GRM7: variants seen among roughly 807,000 people sequenced by gnomAD.
GRM7 encodes the protein metabotropic glutamate receptor 7.
GRM7 carries 35 observed loss-of-function variants against 84.5 expected under a neutral mutation model. The observed-to-expected ratio is 0.41, with a 90% confidence interval of 0.32 to 0.55. GRM7 has a LOEUF of 0.55. GRM7 is among the 20% of genes least tolerant of loss of function. The pLI is 0.19. For missense variants in GRM7, 1,003 were observed against 1,194.6 expected (o/e 0.84, Z 2.36); for synonymous variants, 487 against 455.1 (o/e 1.07, Z -0.89).
chr3:7,209,430 AAGAGAAGGAGACCCACAG>A (rs1239340404), intron 2 of GRM7, among the ~76,000 whole-genome samples: 3 of 152,210 alleles, frequency 2.0e-5, no homozygotes, highest in Admixed American at 2.0e-4. Flanking sequence ...ATAAGGACAT[AAGAGAAGGAGACCCACAG>A]AGAGAGAAAA....
At chr3:7,337,210 G>A (rs1054553270) in intron 4 of GRM7, among the ~76,000 whole-genome samples, 10 of 152,056 alleles carry the variant, frequency 6.6e-5, no homozygotes, top group Admixed American at 4.6e-4. Context: ...TAATTGGCAA[G>A]CCACACGTCG....
chr3:7,094,409 G>A (rs1183590795), intron 1 of GRM7, among the ~76,000 whole-genome samples: 2 of 152,240 alleles, frequency 1.3e-5, no homozygotes, highest in South Asian at 2.1e-4. Context: ...GAATGAGGCC[G>A]GAACAAGGAA....
intron 7 of GRM7, among the ~76,000 whole-genome samples, chr3:7,521,080 T>C (rs1700575110): frequency 6.6e-6 from 1 of 152,206 alleles, no homozygotes; most frequent in Non-Finnish European, 1.5e-5. Flanking sequence ...TCAGCTGCAG[T>C]GCATAGAAGT....
intron 1 of GRM7, among the ~76,000 whole-genome samples, chr3:6,924,316 A>T (rs1575020271): frequency 6.6e-6 from 1 of 152,318 alleles, no homozygotes; most frequent in African/African-American, 2.4e-5. Context: ...AGATCATCAA[A>T]ATCAAAGATA....
chr3:7,124,437 C>T (rs536364445), intron 1 of GRM7, among the ~76,000 whole-genome samples: 1 of 152,202 alleles, frequency 6.6e-6, no homozygotes, highest in South Asian at 2.1e-4. Flanking sequence ...ACCCGGGAGG[C>T]GGAGGTTGCA....
In GRM7 at chr3:6,863,140, C is replaced by G. The variant is rs541738818; in HGVS notation, c.519+1233C>G. The G allele has an allele frequency of 2.2e-5, 7 of 321,740 alleles. No individual in the cohort carries two copies. The highest frequency in any genetic ancestry group is 1.6e-4 in the African/African-American group (7 of 44,396). The allele number at this position is 321,740 out of a possible 1,614,324, so 19.9% of individuals were successfully genotyped here. On this transcript the variant is annotated intron_variant, in intron 1 of 9. Transcript: ENST00000357716. The surrounding 1 kb of genome is among the most constrained non-coding windows in gnomAD (Gnocchi z 4.8). ...TCTCCTTGCTGTTTTTTTTTTCTCT[C>G]TGTTTTTTCTCTCCTTTTCAATCTC...
intron 4 of GRM7, among the ~76,000 whole-genome samples, chr3:7,378,065 C>A (rs1421775895): frequency 6.6e-6 from 1 of 152,192 alleles, no homozygotes; most frequent in Non-Finnish European, 1.5e-5. Flanking sequence ...TTGGAGCTGA[C>A]TCTAATCTCA....
intron 4 of GRM7, among the ~76,000 whole-genome samples, chr3:7,391,690 C>T (rs1695002017): frequency 2.0e-5 from 3 of 151,558 alleles, no homozygotes; most frequent in South Asian, 4.2e-4. Context: ...CACATGTACC[C>T]TAGAACTTAA....
At chr3:7,440,477 T>A (rs548319337) in intron 5 of GRM7, among the ~76,000 whole-genome samples, 2 of 152,320 alleles carry the variant, frequency 1.3e-5, no homozygotes, top group African/African-American at 2.4e-5. Context: ...CAACTAGAGA[T>A]AAAATGGAGT....
At chr3:7,637,069 G>T (rs1012543378) in intron 8 of GRM7, among the ~76,000 whole-genome samples, 5 of 152,176 alleles carry the variant, frequency 3.3e-5, no homozygotes, top group African/African-American at 1.2e-4. Flanking sequence ...TTAAAAGAGT[G>T]GTTGGTAGAA....
At chr3:7,180,865 T>C (rs1319167947) in intron 2 of GRM7, among the ~76,000 whole-genome samples, 1 of 152,200 alleles carries the variant, frequency 6.6e-6, no homozygotes, top group African/African-American at 2.4e-5. Context: ...TCTTCTATCA[T>C]AGTTTGCAAC....
At position 7,686,243 on chromosome 3, in the gene GRM7, T is replaced by A. The variant is rs1048771065; in HGVS notation, c.2698+5948T>A. The stretch of plus-strand genomic sequence containing the variant: ...ATTGAACCCACCAAAAGAGTGGGCA[T>A]GATGTGTATGGTCTCTATCGCAGCC... On this transcript the variant is annotated intron_variant, in intron 9 of 9. Coordinates refer to ENST00000357716, the MANE Select transcript of GRM7 (RefSeq NM_000844.4). The A allele has an allele frequency of 8.9e-6, 5 of 561,744 alleles. No homozygotes were observed. The African/African-American group carries it at 9.5e-5, about 11-fold the overall frequency. The allele number at this position is 561,744 out of a possible 1,614,324, so 34.8% of individuals were successfully genotyped here. A position where few individuals can be genotyped will look rare whatever the true frequency, so the allele number is the denominator to read the frequency against.
At chr3:6,996,106 T>C (rs1232673502) in intron 1 of GRM7, among the ~76,000 whole-genome samples, 1 of 152,092 alleles carries the variant, frequency 6.6e-6, no homozygotes, top group African/African-American at 2.4e-5. Flanking sequence ...TGGAATGTAG[T>C]GGTGCAATCT....
intron 7 of GRM7, among the ~76,000 whole-genome samples, chr3:7,563,380 C>T (rs1694113374): frequency 6.6e-6 from 1 of 151,964 alleles, no homozygotes; most frequent in Admixed American, 6.6e-5. Flanking sequence ...TAGAATCTGC[C>T]CCAGGTTCCA....
intron 1 of GRM7, among the ~76,000 whole-genome samples, chr3:7,096,504 TC>T (rs1698866302): frequency 6.6e-6 from 1 of 151,946 alleles, no homozygotes; most frequent in African/African-American, 2.4e-5. Context: ...CCATGCCCTC[TC>T]CCCCCACTGT....
intron 6 of GRM7, among the ~76,000 whole-genome samples, chr3:7,454,082 A>G (rs1697895751): frequency 3.1e-5 from 1 of 32,492 alleles, no homozygotes; most frequent in African/African-American, 6.5e-5. Context: ...ATGAAAAGCT[A>G]CACACACACT....
chr3:6,955,825 C>T (rs1693023726), intron 1 of GRM7, among the ~76,000 whole-genome samples: 1 of 135,548 alleles, frequency 7.4e-6, no homozygotes, highest in African/African-American at 2.9e-5. Flanking sequence ...TTGGACGACA[C>T]AGTGAGACTC....
intron 4 of GRM7, among the ~76,000 whole-genome samples, chr3:7,402,846 T>A (rs1373594812): frequency 6.6e-6 from 1 of 151,676 alleles, no homozygotes; most frequent in Non-Finnish European, 1.5e-5. Context: ...CTCTCAGACT[T>A]GCATATGAAA....
intron 4 of GRM7, among the ~76,000 whole-genome samples, chr3:7,360,159 G>A (rs1473893327): frequency 6.9e-6 from 1 of 145,782 alleles, no homozygotes; most frequent in Admixed American, 6.9e-5. Flanking sequence ...GTGTGTGTGT[G>A]TGTGTGTGTG....
Sources: allele counts gnomAD v4.1 joint callset (sites outside exome capture counted in the v4.1 genomes callset), GRCh38; gene constraint gnomAD v4.1.1; non-coding constraint Gnocchi (gnomAD v3.1); transcripts MANE v1.5; gene names NCBI Gene and HGNC (gene_info 2026-07-23, HGNC 2026-07-21).